Variants in CERKL observed in about 807,000 individuals in gnomAD.
CERKL encodes the protein ceramide kinase-like protein.
Under a neutral mutation model 63.4 loss-of-function variants are expected in CERKL, and 61 were observed. The observed-to-expected ratio is 0.96, with a 90% CI of 0.78 to 1.19. The LOEUF (loss-of-function observed/expected upper bound fraction) is 1.19, where lower values mean the gene tolerates loss of function less well. CERKL is among the 50% of genes most tolerant of loss of function. The probability of loss-of-function intolerance (pLI) is 0.00; values close to 1 mark genes in which losing one functional copy is unlikely to be tolerated. For missense variants in CERKL, 675 were observed against 655.5 expected, an observed-to-expected ratio of 1.03 and a Z score of -0.33; for synonymous variants, 250 against 230.5, an observed-to-expected ratio of 1.08 and a Z score of -0.77.
intron 1 of CERKL, among the ~76,000 whole-genome samples, chr2:181,639,749 T>C (rs1439647105): frequency 6.6e-6 from 1 of 152,178 alleles, no homozygotes; most frequent in Non-Finnish European, 1.5e-5. Flanking sequence ...CTGAAATTAC[T>C]GGTATGACCT....
At chr2:181,584,852 A>G (rs771822448) in intron 2 of CERKL, among the ~76,000 whole-genome samples, 1 of 151,708 alleles carries the variant, frequency 6.6e-6, no homozygotes, top group Non-Finnish European at 1.5e-5. Flanking sequence ...TTTCAGAATA[A>G]AAGTAAAAAC....
At chr2:181,589,728 T>G (rs1461304834) in intron 2 of CERKL, among the ~76,000 whole-genome samples, 2 of 152,162 alleles carry the variant, frequency 1.3e-5, no homozygotes, top group African/African-American at 4.8e-5. Flanking sequence ...CATGGGTGAA[T>G]TTATCTATAA....
intron 1 of CERKL, among the ~76,000 whole-genome samples, chr2:181,611,255 C>T (rs1685957842): frequency 6.6e-6 from 1 of 151,660 alleles, no homozygotes; most frequent in Non-Finnish European, 1.5e-5. Context: ...AAAATACTTA[C>T]TTACCCAAGC....
chr2:181,645,545 C>T (rs930443282), intron 1 of CERKL, among the ~76,000 whole-genome samples: 1 of 152,126 alleles, frequency 6.6e-6, no homozygotes, highest in African/African-American at 2.4e-5. Context: ...TGAAATGGGC[C>T]AGAAAAGAAG....
chr2:181,552,469 G>C (rs1381699290), intron 5 of CERKL, among the ~76,000 whole-genome samples: 1 of 152,158 alleles, frequency 6.6e-6, no homozygotes. Context: ...ACCTTGTGAA[G>C]AATGTGCCTT....
intron 1 of CERKL, among the ~76,000 whole-genome samples, chr2:181,637,775 A>C (rs370596309): frequency 6.6e-6 from 1 of 152,178 alleles, no homozygotes; most frequent in East Asian, 1.9e-4. Context: ...GAAATGCCTA[A>C]ACATCAAAAG....
intron 8 of CERKL, 190 bp downstream of exon 8, chr2:181,548,355 G>A (rs1029494375): frequency 1.7e-6 from 1 of 595,284 alleles, no homozygotes; most frequent in African/African-American, 1.9e-5. Context: ...AGGAAAGAAG[G>A]AAGGAAAAAG....
At chr2:181,644,433 T>C (rs1250978177) in intron 1 of CERKL, among the ~76,000 whole-genome samples, 1 of 152,252 alleles carries the variant, frequency 6.6e-6, no homozygotes, top group African/African-American at 2.4e-5. Context: ...AAGATTGTAA[T>C]AGAAAGATCA....
intron 1 of CERKL, among the ~76,000 whole-genome samples, chr2:181,620,391 G>A (rs527250348): frequency 2.0e-5 from 3 of 152,130 alleles, no homozygotes; most frequent in Non-Finnish European, 4.4e-5. Flanking sequence ...ATATCGCACA[G>A]CCCTCTAAAT....
intron 2 of CERKL, among the ~76,000 whole-genome samples, chr2:181,600,969 A>G (rs543106473): frequency 1.4e-3 from 207 of 152,246 alleles, no homozygotes; most frequent in Non-Finnish European, 2.3e-3. Flanking sequence ...TCACATCTCA[A>G]TAAGATAAAA....
chr2:181,545,850 G>A (rs1012411610), intron 10 of CERKL, among the ~76,000 whole-genome samples: 2 of 152,120 alleles, frequency 1.3e-5, no homozygotes, highest in African/African-American at 4.8e-5. Flanking sequence ...ATATTTACTT[G>A]AAATAGAAAC....
chr2:181,554,988 G>T (rs1347269622), intron 5 of CERKL, among the ~76,000 whole-genome samples: 1 of 152,058 alleles, frequency 6.6e-6, no homozygotes, highest in Admixed American at 6.6e-5. Context: ...TTCTAAACAA[G>T]ACAGGTTAAA....
intron 3 of CERKL, among the ~76,000 whole-genome samples, chr2:181,571,574 T>TA (rs954205358): frequency 9.2e-5 from 14 of 151,730 alleles, no homozygotes; most frequent in Middle Eastern, 3.4e-3. Flanking sequence ...AACAGTATGA[T>TA]AAAAAAAAAT....
In CERKL at chr2:181,558,694, C is replaced by A; in HGVS notation, c.692G>T (p.Gly231Val). Residue 231 changes from glycine to valine, a missense_variant, in exon 5 of 13, where the codon GGT (glycine) becomes GTT (valine). Gly to Val is a moderately radical substitution (Grantham distance 109, BLOSUM62 -3). Coordinates refer to ENST00000410087, the MANE Select transcript of CERKL (RefSeq NM_201548.5). This position sits in a 1 kb window ranked among gnomAD's most constrained non-coding sequence, Gnocchi z 4.2. ...LQGFDGVVCVGGDGSASEVAH... is the reference protein window; with the variant it reads ...LQGFDGVVCVVGDGSASEVAH... ...TACTTCGCTAGCAGATCCATCTCCA[C>A]CAACACAGACAACACTAGAAAAATA... is the stretch of plus-strand genomic sequence containing the variant. 1 of 1,613,582 alleles carries A rather than the reference C, an allele frequency of 6.2e-7. No individual in the cohort carries two copies. Among genetic ancestry groups the A allele is most frequent in the South Asian group, 1.1e-5 (1 of 91,072 alleles).
chr2:181,620,057 G>A (rs797016970), intron 1 of CERKL, among the ~76,000 whole-genome samples: 8 of 152,234 alleles, frequency 5.3e-5, no homozygotes, highest in East Asian at 1.9e-4. Context: ...TAGTGTAACT[G>A]AACCTCCATG....
At chr2:181,604,211 G>A (rs1574489970) in intron 1 of CERKL, 132 bp from the exon 2 acceptor site, 1 of 663,660 alleles carries the variant, frequency 1.5e-6, no homozygotes, top group East Asian at 2.8e-5. Flanking sequence ...TGGGTACTGG[G>A]CTTAATACCT....
chr2:181,578,255 TG>T (rs1013312746), intron 2 of CERKL, among the ~76,000 whole-genome samples: 5 of 128,002 alleles, frequency 3.9e-5, no homozygotes, highest in Non-Finnish European at 6.7e-5. Context: ...TATATATGTG[TG>T]TGGGGGGGTA....
intron 2 of CERKL, among the ~76,000 whole-genome samples, chr2:181,600,388 G>T (rs940989531): frequency 6.6e-6 from 1 of 152,052 alleles, no homozygotes; most frequent in Admixed American, 6.6e-5. Context: ...AACATAAATG[G>T]CCTAAATGCT....
chr2:181,651,793 G>A (rs1047464967), intron 1 of CERKL, among the ~76,000 whole-genome samples: 5 of 150,896 alleles, frequency 3.3e-5, no homozygotes, highest in Non-Finnish European at 7.4e-5. Flanking sequence ...CAAAAGAACT[G>A]TTAGAATTCA....
Sources: gnomAD v4.1 joint callset for allele counts (sites outside exome capture counted in the v4.1 genomes callset) on GRCh38, gnomAD v4.1.1 for gene constraint, Gnocchi (gnomAD v3.1) non-coding constraint, MANE v1.5 for transcripts, NCBI Gene and HGNC (gene_info 2026-07-23, HGNC 2026-07-21) for gene names.